The following ACE variants were observed in gnomAD, a reference collection of about 807,000 sequenced individuals.
The protein encoded by ACE is angiotensin-converting enzyme.
A neutral mutation model predicts 162.3 loss-of-function variants in ACE; 122 were observed. The ratio of observed to expected loss-of-function variants is 0.75; its 90% CI spans 0.65 to 0.87. The LOEUF is 0.87. Among genes scored for constraint, ACE ranks in the 40% least tolerant of loss-of-function variants. The probability of loss-of-function intolerance (pLI) is 0.00; values close to 1 mark genes in which losing one functional copy is unlikely to be tolerated. For synonymous variants in ACE, 796 were observed against 720.6 expected, an observed-to-expected ratio of 1.10 and a Z score of -1.68; for missense variants, 1,799 against 1,735.1, an observed-to-expected ratio of 1.04 and a Z score of -0.65.
At chr17:63,480,274 C>T (rs2049684190) in intron 4 of ACE, 63 bp from the exon 5 acceptor site, 3 of 1,575,976 alleles carry the variant, frequency 1.9e-6, no homozygotes, top group African/African-American at 2.7e-5. Flanking sequence ...AGCCGACTTA[C>T]AGCTGAGAGG....
chr17:63,477,068 G>C lies in ACE; in HGVS notation c.-27G>C. The C allele has an allele frequency of 2.4e-6, 3 of 1,271,246 alleles. No individual in the cohort carries two copies. Among genetic ancestry groups the C allele is most frequent in the Non-Finnish European group, 3.0e-6 (3 of 1,014,214 alleles). The allele number at this position is 1,271,246 out of a possible 1,614,324, so 78.7% of individuals were successfully genotyped here. A position where few individuals can be genotyped will look rare whatever the true frequency, so the allele number is the denominator to read the frequency against. On this transcript the variant is annotated 5_prime_UTR_variant, in exon 1 of 25. Transcript: ENST00000290866. Reference sequence around the variant, plus strand: ...GGGCGGCCGCGGCGCAGGAGAAGGGGCAGAGCCGAGCACCGCGCACCGCGT... The same window carrying C: ...GGGCGGCCGCGGCGCAGGAGAAGGGCCAGAGCCGAGCACCGCGCACCGCGT...
chr17:63,482,470 A>G lies in ACE; in HGVS notation c.1123A>G (p.Lys375Glu). Residue 375 changes from lysine (K) to glutamate (E), a missense_variant, in exon 8 of 25, where the codon AAG (lysine) becomes GAG (glutamate). Lys to Glu is a moderately conservative substitution (Grantham distance 56, BLOSUM62 1). Coordinates refer to ENST00000290866, the MANE Select transcript of ACE (RefSeq NM_000789.4). ...CTCGCCCTCTCTACGCCCCAGGATC[A>G]AGCAGTGCACACGGGTCACGATGGA... ...DFYNRKDFRI[K>E]QCTRVTMDQL... 3.7e-6 allele frequency: 6 copies of G among 1,613,926 alleles called. No homozygotes were observed. Among genetic ancestry groups the G allele is most frequent in the Non-Finnish European group, 5.1e-6 (6 of 1,179,946 alleles).
In ACE at chr17:63,477,308, G is replaced by A. The variant is rs752559637; in HGVS notation, c.214G>A (p.Asp72Asn). ...GAGCGTGGCCGCCAGCTGGGCGCAC[G>A]ACACCAACATCACCGCGGAGAATGC... ...FQSVAASWAHDTNITAENARR... is the reference protein window; with the variant it reads ...FQSVAASWAHNTNITAENARR... The change falls in exon 1 of 25, where the codon GAC (aspartate) becomes AAC (asparagine). Residue 72 changes from aspartate to asparagine, a missense_variant. Asp to Asn is a conservative substitution (Grantham distance 23, BLOSUM62 1). Transcript: ENST00000290866. The A allele has an allele frequency of 1.3e-5, 19 of 1,420,282 alleles. No individual in the cohort carries two copies. The highest frequency in any genetic ancestry group is 3.0e-5 in the African/African-American group (2 of 67,504). 88.0% of individuals were successfully genotyped at this position (1,420,282 alleles called of 1,614,324 possible).
Position 63,485,238 on chromosome 17 carries a change from C to G in ACE, c.1924C>G (p.Leu642Val), listed in dbSNP as rs2029871862. 6.2e-7 allele frequency: 1 copy of G among 1,613,988 alleles called. No individual in the cohort carries two copies. Among genetic ancestry groups the G allele is most frequent in the Non-Finnish European group, 8.5e-7 (1 of 1,180,030 alleles). The change falls in exon 13 of 25, where the codon CTG becomes GTG. Residue 642 changes from leucine (L) to valine (V), a missense_variant and splice_region_variant. Coordinates refer to ENST00000290866, the MANE Select transcript of ACE (RefSeq NM_000789.4). ...LPDNYPEGID[L>V]VTDEAEASKF... ...TTTCCCTGCACTCTGTCCCACAGAC[C>G]TGGTGACTGATGAGGCTGAGGCCAG...
At chr17:63,487,406 T>C (rs2030030828) in intron 15 of ACE, among the ~76,000 whole-genome samples, 2 of 152,154 alleles carry the variant, frequency 1.3e-5, no homozygotes, top group Non-Finnish European at 2.9e-5. Context: ...TGGGGGGAAC[T>C]CGGGGACACT....
intron 13 of ACE, among the ~76,000 whole-genome samples, chr17:63,485,960 C>T (rs1431408544): frequency 6.6e-6 from 1 of 152,034 alleles, no homozygotes; most frequent in East Asian, 1.9e-4. Flanking sequence ...AACAAATAAA[C>T]AAAAATCAAT....
At position 63,484,806 on chromosome 17, in the gene ACE, C is replaced by T; in HGVS notation, c.1921+265C>T. The T allele has an allele frequency of 6.6e-7, 1 of 1,505,138 alleles. No individual in the cohort carries two copies. 93.2% of individuals were successfully genotyped at this position (1,505,138 alleles called of 1,614,324 possible). ...AGACACAAGGCTCTGTGAGGTCACA[C>T]TGCGGGCTCCGCTCTTATTGGCCAG... On this transcript the variant is annotated intron_variant, in intron 12 of 24. Transcript: ENST00000290866. The surrounding 1 kb of genome is among the most constrained non-coding windows in gnomAD (Gnocchi z 4.0).
chr17:63,478,629 C>A, intron 2 of ACE: 1 of 368,416 alleles, frequency 2.7e-6, no homozygotes, highest in Non-Finnish European at 5.3e-6. Flanking sequence ...CACTACTGCA[C>A]CCCAGCCTGC....
At chr17:63,479,574 G>A (rs2049673295) in intron 3 of ACE, among the ~76,000 whole-genome samples, 195 bp from the exon 4 acceptor site, 1 of 152,198 alleles carries the variant, frequency 6.6e-6, no homozygotes, top group South Asian at 2.1e-4. Context: ...TGTCTCTGGG[G>A]CAGGGGCCCT....
intron 13 of ACE, 161 bp from the exon 14 acceptor site, chr17:63,486,396 T>C (rs1330368907): frequency 1.3e-6 from 1 of 760,092 alleles, no homozygotes; most frequent in South Asian, 1.5e-5. Flanking sequence ...CAGGACGTTA[T>C]CAGCGTCCAG....
At chr17:63,483,221 C>G (rs768256317) in intron 9 of ACE, 48 bp downstream of exon 9, 2 of 1,611,912 alleles carry the variant, frequency 1.2e-6, no homozygotes, top group Non-Finnish European at 1.7e-6. Context: ...CCCTCCCCAG[C>G]CTCCTGGACA....
In ACE at chr17:63,480,398, T is replaced by C. The variant is rs773134748; in HGVS notation, c.717T>C (p.Asp239=). 6.2e-7 allele frequency: 1 copy of C among 1,614,084 alleles called. No homozygotes were observed. The highest frequency in any genetic ancestry group is 1.1e-5 in the South Asian group (1 of 91,086). ...ACAACTCCCCCACCTTCGAGGACGA[T>C]CTGGAACACCTCTACCAACAGCTAG... ...SWYNSPTFED[D]LEHLYQQLEP... The change falls in exon 5 of 25, where the codon GAT becomes GAC. Residue 239 remains aspartate (D), a synonymous_variant. Coordinates refer to ENST00000290866, the MANE Select transcript of ACE (RefSeq NM_000789.4).
chr17:63,497,568 CCCCA>C lies in ACE; in HGVS notation c.*205_*208del. ...CAGCACACGGCTGCCTGACACTGAG[CCCCA>C]CCTCTCCAAGTCTCTCTGTGAATAC... is the stretch of plus-strand genomic sequence containing the variant. On this transcript the variant is annotated 3_prime_UTR_variant, in exon 25 of 25. Coordinates refer to ENST00000290866, the MANE Select transcript of ACE (RefSeq NM_000789.4). 1.4e-6 allele frequency: 1 copy of C among 702,832 alleles called. No individual in the cohort carries two copies. Among genetic ancestry groups the C allele is most frequent in the Non-Finnish European group, 2.6e-6 (1 of 385,810 alleles). The allele number at this position is 702,832 out of a possible 1,614,324, so 43.5% of individuals were successfully genotyped here.
At position 63,484,536 on chromosome 17, in the gene ACE, G is replaced by T. The variant is rs754090770; in HGVS notation, c.1916G>T (p.Gly639Val). 13 of 1,611,038 alleles carry T rather than the reference G, an allele frequency of 8.1e-6. No individual in the cohort carries two copies. In the East Asian group the frequency reaches 2.9e-4, roughly 36 times the overall value. ...CCGTTGCCTGACAACTACCCGGAGG[G>T]CATAGGTAAAGCCCTGAGTGAGGAT... ...HPPLPDNYPEGIDLVTDEAEA... is the reference protein window; with the variant it reads ...HPPLPDNYPEVIDLVTDEAEA... The change falls in exon 12 of 25, where the codon GGC becomes GTC. Residue 639 changes from glycine (G) to valine (V), a missense_variant. Coordinates refer to ENST00000290866, the MANE Select transcript of ACE (RefSeq NM_000789.4). This position sits in a 1 kb window ranked among gnomAD's most constrained non-coding sequence, Gnocchi z 4.0.
rs4306 is a variant in ACE, at chr17:63,481,037, G to A, written c.848-54G>A. ...AGGGTGCCACTCAGCGATGCATGAA[G>A]AAGCAGGCACAGCCAGGCAGGGAGC... On this transcript the variant is annotated intron_variant, in intron 5 of 24. Coordinates refer to ENST00000290866, the MANE Select transcript of ACE (RefSeq NM_000789.4). 2,343 of 1,564,230 alleles carry A rather than the reference G, an allele frequency of 1.5e-3. 32 individuals are homozygous for A. The African/African-American group carries it at 0.028, about 19-fold the overall frequency.
At chr17:63,489,975 C>G (rs868000221) in intron 17 of ACE, 1 of 152,478 alleles carries the variant, frequency 6.6e-6, no homozygotes, top group Non-Finnish European at 1.5e-5. Flanking sequence ...ACATGCCCAG[C>G]GTGGCCTGGG....
intron 19 of ACE, among the ~76,000 whole-genome samples, chr17:63,493,030 C>T (rs966525582): frequency 6.6e-6 from 1 of 152,202 alleles, no homozygotes; most frequent in South Asian, 2.1e-4. Context: ...TCACCCCTGA[C>T]AGAAACAGTT....
chr17:63,480,497 C>T lies in ACE; in HGVS notation c.816C>T (p.Asn272=). Residue 272 remains asparagine (N), a synonymous_variant, in exon 5 of 25, where the codon AAC becomes AAT. Coordinates refer to ENST00000290866, the MANE Select transcript of ACE (RefSeq NM_000789.4). The stretch of plus-strand genomic sequence containing the variant: ...GCCGATACGGAGACAGATACATCAA[C>T]CTCAGGGGACCCATCCCTGCTCATC... ...LHRRYGDRYI[N]LRGPIPAHLL... The T allele has an allele frequency of 6.2e-7, 1 of 1,613,980 alleles. No homozygotes were observed. Among genetic ancestry groups the T allele is most frequent in the South Asian group, 1.1e-5 (1 of 91,088 alleles).
At chr17:63,494,547 G>C in intron 22 of ACE, 77 bp downstream of exon 22, 1 of 1,323,784 alleles carries the variant, frequency 7.6e-7, no homozygotes, top group South Asian at 1.2e-5. Flanking sequence ...CCACTGCCCG[G>C]TCCACAAGCT....
Sources: gnomAD v4.1 joint callset for allele counts (sites outside exome capture counted in the v4.1 genomes callset) on GRCh38, gnomAD v4.1.1 for gene constraint, Gnocchi (gnomAD v3.1) non-coding constraint, MANE v1.5 for transcripts, NCBI Gene and HGNC (gene_info 2026-07-23, HGNC 2026-07-21) for gene names.